The following KCNQ5 variants were observed in gnomAD, a reference collection of about 807,000 sequenced individuals.
The protein encoded by KCNQ5 is potassium voltage-gated channel subfamily KQT member 5.
Under a neutral mutation model 98.2 loss-of-function variants are expected in KCNQ5, and 30 were observed. The observed-to-expected ratio is 0.31, with a 90% CI of 0.23 to 0.41. KCNQ5 has a LOEUF of 0.41. KCNQ5 is among the 10% of genes least tolerant of loss of function. The pLI is 1.00. For synonymous variants in KCNQ5, 458 were observed against 449.4 expected (o/e 1.02, Z -0.24); for missense variants, 835 against 1,182.5 (o/e 0.71, Z 4.31).
intron 1 of KCNQ5, among the ~76,000 whole-genome samples, chr6:72,728,536 G>A (rs1770399875): frequency 6.6e-6 from 1 of 152,094 alleles, no homozygotes; most frequent in Admixed American, 6.5e-5. Flanking sequence ...ATTCAAAAAG[G>A]GGGACAATGA....
intron 1 of KCNQ5, among the ~76,000 whole-genome samples, chr6:72,938,645 G>T (rs779959897): frequency 2.6e-5 from 4 of 151,924 alleles, no homozygotes; most frequent in Non-Finnish European, 4.4e-5. Flanking sequence ...TTGGCCTCCC[G>T]AAGTGCTGGG....
chr6:72,850,533 G>A (rs150480342), intron 1 of KCNQ5, among the ~76,000 whole-genome samples: 6 of 152,232 alleles, frequency 3.9e-5, no homozygotes, highest in African/African-American at 7.2e-5. Flanking sequence ...TCTTGTCCCC[G>A]GATCTCCTGT....
intron 12 of KCNQ5, among the ~76,000 whole-genome samples, chr6:73,191,809 A>T (rs934198998): frequency 2.6e-5 from 4 of 152,348 alleles, no homozygotes; most frequent in African/African-American, 9.6e-5. Flanking sequence ...GGAAGTGAGT[A>T]CTGCCTATGT....
chr6:72,728,154 C>A (rs1465993461), intron 1 of KCNQ5, among the ~76,000 whole-genome samples: 1 of 152,138 alleles, frequency 6.6e-6, no homozygotes, highest in Non-Finnish European at 1.5e-5. Context: ...TATGGTATAG[C>A]TATGGGAAAG....
chr6:73,006,932 G>C (rs1473354321), intron 2 of KCNQ5, among the ~76,000 whole-genome samples: 1 of 152,102 alleles, frequency 6.6e-6, no homozygotes, highest in Non-Finnish European at 1.5e-5. Context: ...AGGCAAACCT[G>C]GCTTGTAGAC....
intron 1 of KCNQ5, among the ~76,000 whole-genome samples, chr6:72,781,643 T>A (rs1773480187): frequency 6.6e-6 from 1 of 152,174 alleles, no homozygotes; most frequent in Non-Finnish European, 1.5e-5. Flanking sequence ...TTGCTGCCCA[T>A]ACTCAAGTAT....
intron 1 of KCNQ5, among the ~76,000 whole-genome samples, chr6:72,851,995 C>G (rs943215523): frequency 6.6e-6 from 1 of 152,044 alleles, no homozygotes; most frequent in Non-Finnish European, 1.5e-5. Flanking sequence ...TATATAACTA[C>G]ACATACACAT....
intron 1 of KCNQ5, among the ~76,000 whole-genome samples, chr6:72,704,590 G>A (rs901866414): frequency 3.3e-5 from 5 of 151,648 alleles, no homozygotes; most frequent in South Asian, 2.1e-4. Flanking sequence ...TCTATAATTT[G>A]ATGGGTTCTT....
intron 1 of KCNQ5, among the ~76,000 whole-genome samples, chr6:72,766,542 T>C (rs10805966): frequency 0.58 from 87,520 of 151,720 alleles, 25,324 homozygotes; most frequent in Admixed American, 0.64. Context: ...AAGATGATGG[T>C]GGATTGGCCT....
intron 1 of KCNQ5, among the ~76,000 whole-genome samples, chr6:72,910,566 GT>G (rs1779898781): frequency 1.5e-4 from 2 of 13,618 alleles, no homozygotes; most frequent in African/African-American, 3.2e-4. Context: ...GTAGGGGGGT[GT>G]GTGTGTGTGT....
At chr6:73,161,935 A>C (rs571761164) in intron 10 of KCNQ5, among the ~76,000 whole-genome samples, 49 of 152,038 alleles carry the variant, frequency 3.2e-4, no homozygotes, top group Non-Finnish European at 6.3e-4. Flanking sequence ...ATTTATTTAG[A>C]GATGGAGTTT....
chr6:72,831,647 G>GGT (rs1200717947), intron 1 of KCNQ5, among the ~76,000 whole-genome samples: 7 of 151,652 alleles, frequency 4.6e-5, no homozygotes, highest in African/African-American at 1.7e-4. Context: ...GTTAGTGGGT[G>GGT]CAGCACACCA....
intron 1 of KCNQ5, among the ~76,000 whole-genome samples, chr6:72,848,898 T>C (rs1461031712): frequency 6.6e-6 from 1 of 152,096 alleles, no homozygotes; most frequent in Non-Finnish European, 1.5e-5. Context: ...TTTCTTAAGG[T>C]CCCCTCAGCC....
At chr6:72,939,621 G>C (rs1290956469) in intron 1 of KCNQ5, among the ~76,000 whole-genome samples, 2 of 152,162 alleles carry the variant, frequency 1.3e-5, no homozygotes, top group East Asian at 3.9e-4. Context: ...CCTCAGAGGA[G>C]AGAAGCCTCA....
At chr6:73,063,721 TGATAGATA>T (rs11388162) in intron 3 of KCNQ5, among the ~76,000 whole-genome samples, 1,829 of 95,920 alleles carry the variant, frequency 0.019, 27 homozygotes, top group East Asian at 0.048. Context: ...GATAGATAGA[TGATAGATA>T]GATAGATAGA....
intron 1 of KCNQ5, among the ~76,000 whole-genome samples, chr6:72,930,353 T>A (rs1198157909): frequency 1.3e-5 from 2 of 152,132 alleles, no homozygotes; most frequent in Admixed American, 1.3e-4. Flanking sequence ...AGGAAGTTTT[T>A]CTTTAAATGT....
chr6:72,924,975 C>T (rs2150222222), intron 1 of KCNQ5, among the ~76,000 whole-genome samples: 2 of 152,242 alleles, frequency 1.3e-5, no homozygotes, highest in South Asian at 4.1e-4. Flanking sequence ...CATTTTAGGG[C>T]ATGGTTTTCT....
chr6:72,895,009 A>G (rs1043114967), intron 1 of KCNQ5, among the ~76,000 whole-genome samples: 2 of 151,522 alleles, frequency 1.3e-5, no homozygotes, highest in Admixed American at 6.6e-5. Context: ...AGTAGGTTTA[A>G]GGTGGAGCCC....
intron 9 of KCNQ5, among the ~76,000 whole-genome samples, chr6:73,127,659 A>G (rs1049960615): frequency 6.6e-6 from 1 of 152,154 alleles, no homozygotes; most frequent in Non-Finnish European, 1.5e-5. Context: ...TTAAAAAGGG[A>G]TTTTGTCTTT....
Sources: allele counts gnomAD v4.1 joint callset (sites outside exome capture counted in the v4.1 genomes callset), GRCh38; gene constraint gnomAD v4.1.1; transcripts MANE v1.5; gene names NCBI Gene and HGNC (gene_info 2026-07-23, HGNC 2026-07-21).